Variants in RP1 observed in about 807,000 individuals in gnomAD.
RP1 encodes the protein RP1 axonemal microtubule associated.
A neutral mutation model predicts 14.8 loss-of-function variants in RP1; 16 were observed. The observed-to-expected ratio is 1.08, with a 90% CI of 0.73 to 1.65. RP1 has a LOEUF of 1.65. Among genes scored for constraint, RP1 ranks in the 40% most tolerant of loss-of-function variants. The pLI, the probability that RP1 is intolerant of heterozygous loss-of-function variation, is 0.00. For synonymous variants in RP1, 876 were observed against 883.6 expected (o/e 0.99, Z 0.15); for missense variants, 2,631 against 2,535.0 (o/e 1.04, Z -0.81).
intron 19 of RP1, among the ~76,000 whole-genome samples, chr8:54,744,844 G>T: frequency 6.6e-6 from 1 of 151,872 alleles, no homozygotes. Context: ...TTCTTATATT[G>T]CATGGACCAT....
chr8:54,619,101 C>T (rs970616995), intron 1 of RP1, among the ~76,000 whole-genome samples: 3 of 152,188 alleles, frequency 2.0e-5, no homozygotes, highest in African/African-American at 4.8e-5. Flanking sequence ...GACTCCATTG[C>T]GAAGCTGGAT....
At chr8:54,705,370 A>T (rs944479199) in intron 14 of RP1, among the ~76,000 whole-genome samples, 1 of 152,230 alleles carries the variant, frequency 6.6e-6, no homozygotes, top group Non-Finnish European at 1.5e-5. Context: ...AGGCAGAGGT[A>T]CTTTCTCAGC....
Position 54,691,778 on chromosome 8 carries a change from T to C in RP1, c.1718-7689T>C, listed in dbSNP as rs1202547709. On this transcript the variant is annotated intron_variant, in intron 12 of 22. Coordinates refer to the RP1 transcript ENST00000636932. ...ATAGGGGAAAAAGCATACAAATATA[T>C]ATATATTTTTCAAAGTCTCTGGCTT... Among the ~76,000 whole-genome samples, 3 of 152,014 alleles carry C rather than the reference T, an allele frequency of 2.0e-5. No individual in the cohort carries two copies. In the East Asian group the frequency reaches 5.8e-4, roughly 29 times the overall value.
intron 24 of RP1, chr8:54,783,794 T>C (rs2129380917): frequency 1.0e-6 from 1 of 968,412 alleles, no homozygotes; most frequent in East Asian, 3.3e-5. Context: ...TAATTTTTTG[T>C]TGTTCTTTTG....
At chr8:54,650,031 CTGT>C (rs1465618520) in intron 4 of RP1, among the ~76,000 whole-genome samples, 3 of 152,110 alleles carry the variant, frequency 2.0e-5, no homozygotes, top group African/African-American at 4.8e-5. Context: ...ATAGTCTGAG[CTGT>C]TGTTGTTTTA....
intron 24 of RP1, among the ~76,000 whole-genome samples, chr8:54,817,241 G>C (rs1417966444): frequency 6.6e-6 from 1 of 152,132 alleles, no homozygotes; most frequent in Non-Finnish European, 1.5e-5. Flanking sequence ...TAAGCACTCA[G>C]TAAATGTTTT....
At chr8:54,729,957 C>A (rs1260696616) in intron 17 of RP1, among the ~76,000 whole-genome samples, 2 of 151,420 alleles carry the variant, frequency 1.3e-5, no homozygotes, top group African/African-American at 4.9e-5. Flanking sequence ...CACTTGGCAT[C>A]CAGAGTGAAC....
chr8:54,694,704 C>T (rs1023915961), intron 12 of RP1, among the ~76,000 whole-genome samples: 4 of 151,978 alleles, frequency 2.6e-5, no homozygotes, highest in African/African-American at 9.7e-5. Flanking sequence ...TTTGATTCTT[C>T]TGTCTTTTCT....
intron 25 of RP1, among the ~76,000 whole-genome samples, chr8:54,846,014 A>T (rs1811910303): frequency 6.6e-6 from 1 of 152,224 alleles, no homozygotes; most frequent in Non-Finnish European, 1.5e-5. Context: ...AAGTTACTCC[A>T]TTCCAGCCAG....
chr8:54,605,110 A>C (rs950802000), intron 1 of RP1, among the ~76,000 whole-genome samples: 5 of 151,852 alleles, frequency 3.3e-5, no homozygotes, highest in African/African-American at 1.2e-4. Flanking sequence ...TTGCTTCTCT[A>C]GTTCTTTTAA....
rs752205338 is a variant in RP1, at chr8:54,628,150, G to A, written c.4268G>A (p.Cys1423Tyr). ...AGTTCTCTAGATGATTTTGAAAATT[G>A]TTCACTAAGGAAGTTTCAGGATGAA... ...KHSSLDDFENCSLRKFQDENA... is the reference protein window; with the variant it reads ...KHSSLDDFENYSLRKFQDENA... The change falls in exon 4 of 4, where the codon TGT becomes TAT. Residue 1423 changes from cysteine (C) to tyrosine (Y), a missense_variant. Physicochemically the swap from Cys to Tyr is radical, Grantham distance 194. Coordinates refer to ENST00000220676, the MANE Select transcript of RP1 (RefSeq NM_006269.2). The A allele has an allele frequency of 2.5e-6, 4 of 1,613,956 alleles. No individual in the cohort carries two copies. The highest frequency in any genetic ancestry group is 1.6e-4 in the Middle Eastern group (1 of 6,062).
At chr8:54,720,967 T>G (rs1311929257) in intron 16 of RP1, among the ~76,000 whole-genome samples, 1 of 152,240 alleles carries the variant, frequency 6.6e-6, no homozygotes, top group Non-Finnish European at 1.5e-5. Context: ...TAATTTTTGC[T>G]TGATATGGTT....
chr8:54,819,968 C>G (rs1022574489), intron 24 of RP1, among the ~76,000 whole-genome samples: 1 of 152,240 alleles, frequency 6.6e-6, no homozygotes, highest in South Asian at 2.1e-4. Context: ...GCCCGAGTAC[C>G]ACTGATTTTT....
chr8:54,582,882 G>C (rs1331123114), intron 1 of RP1, among the ~76,000 whole-genome samples: 1 of 152,188 alleles, frequency 6.6e-6, no homozygotes, highest in Non-Finnish European at 1.5e-5. Flanking sequence ...TTGCCTATCA[G>C]CTTAAGGAGA....
At chr8:54,641,005 G>C (rs939143907) in intron 3 of RP1, among the ~76,000 whole-genome samples, 8 of 149,136 alleles carry the variant, frequency 5.4e-5, no homozygotes, top group Admixed American at 1.3e-4. Flanking sequence ...TGTTGCCCAG[G>C]CTGGAGTGTA....
chr8:54,670,270 A>T (rs1013309789), intron 7 of RP1, among the ~76,000 whole-genome samples: 1 of 151,574 alleles, frequency 6.6e-6, no homozygotes, highest in African/African-American at 2.4e-5. Context: ...GTTAGGACCA[A>T]TGGTTTACGG....
chr8:54,683,681 G>A (rs1807486563), intron 12 of RP1, among the ~76,000 whole-genome samples: 1 of 152,140 alleles, frequency 6.6e-6, no homozygotes, highest in Non-Finnish European at 1.5e-5. Flanking sequence ...TTGCTTACTA[G>A]TTTAAGAAGC....
upstream of RP1, among the ~76,000 whole-genome samples, chr8:54,615,400 C>G (rs900334018): frequency 6.6e-6 from 1 of 152,122 alleles, no homozygotes; most frequent in African/African-American, 2.4e-5. Flanking sequence ...CGTAGGAAAC[C>G]CGATTAGGTG....
Position 54,582,320 on chromosome 8 carries a change from C to T in RP1, c.-13+23000C>T, listed in dbSNP as rs561646733. 5.4e-3 allele frequency among the ~76,000 whole-genome samples: 824 copies of T among 151,964 alleles called. 10 individuals are homozygous for T. Among genetic ancestry groups the T allele is most frequent in the African/African-American group, 0.017 (687 of 41,424 alleles). On this transcript the variant is annotated intron_variant, in intron 1 of 22. Transcript: ENST00000636932. ...CAAAGATCAGATGGTTGTAGATATG[C>T]GGCATTATTTCTGAGGGCTCTGTTC...
Sources: gnomAD v4.1 joint callset for allele counts (sites outside exome capture counted in the v4.1 genomes callset) on GRCh38, gnomAD v4.1.1 for gene constraint, MANE v1.5 for transcripts, NCBI Gene and HGNC (gene_info 2026-07-23, HGNC 2026-07-21) for gene names.